MYH7B: variants seen among roughly 807,000 people sequenced by gnomAD.
MYH7B encodes the protein myosin heavy chain 7B, also known as myosin-7B.
Under a neutral mutation model 234.5 loss-of-function variants are expected in MYH7B, and 205 were observed. That is an observed-to-expected ratio of 0.87 (90% CI 0.78 to 0.98). The LOEUF is 0.98. Ranked by LOEUF, MYH7B falls within the 50% of genes least tolerant of loss-of-function variation. MYH7B has a pLI of 0.00. For missense variants in MYH7B, 2,652 were observed against 2,633.4 expected, an observed-to-expected ratio of 1.01 and a Z score of -0.15; for synonymous variants, 1,193 against 1,105.0, an observed-to-expected ratio of 1.08 and a Z score of -1.58.
chr20:34,982,540 G>T, exon 10 of MYH7B: 1 of 1,607,828 alleles, frequency 6.2e-7, no homozygotes, highest in Non-Finnish European at 8.5e-7. Context: ...TGGGAGACGG[G>T]CCGGGCAAGA....
chr20:34,984,703 A>C (rs2081988650), exon 11 of MYH7B: 1 of 1,596,302 alleles, frequency 6.3e-7, no homozygotes, highest in African/African-American at 1.4e-5. Context: ...AATTTCTGGC[A>C]ACAAAGACGG....
intron 4 of MYH7B, 52 bp downstream of exon 4, chr20:34,977,732 G>C: frequency 8.6e-7 from 1 of 1,157,160 alleles, no homozygotes; most frequent in Non-Finnish European, 1.3e-6. Flanking sequence ...GAGGGTGGGC[G>C]GGTGGGTGAG....
rs769108969 is a variant in MYH7B, at chr20:34,982,450, T to G, written c.528-9T>G. ...TGGGCATTGGTGACTCATGTTTGTGTCGTCCAAGCGGAGAGTCGGGGGCCG... is the reference window on the plus strand; with the variant it reads ...TGGGCATTGGTGACTCATGTTTGTGGCGTCCAAGCGGAGAGTCGGGGGCCG... On this transcript the variant is annotated splice_polypyrimidine_tract_variant and intron_variant, in intron 9 of 44. Coordinates refer to ENST00000262873, the Ensembl canonical transcript of MYH7B. The G allele has an allele frequency of 6.2e-7, 1 of 1,613,708 alleles. No individual in the cohort carries two copies. The highest frequency in any genetic ancestry group is 8.5e-7 in the Non-Finnish European group (1 of 1,179,832).
At chr20:34,964,214 C>G (rs2081723048) in intron 2 of MYH7B, among the ~76,000 whole-genome samples, 1 of 151,996 alleles carries the variant, frequency 6.6e-6, no homozygotes, top group Non-Finnish European at 1.5e-5. Context: ...ATTCTGCATC[C>G]TCACCGAGAC....
chr20:34,996,264 A>G (rs377361467), intron 28 of MYH7B, 82 bp from the exon 29 acceptor site: 1 of 1,466,836 alleles, frequency 6.8e-7, no homozygotes, highest in South Asian at 1.3e-5. Context: ...TGGAAGGGGC[A>G]CTTGCTCTGA....
chr20:34,978,720 C>A (rs907086729), intron 5 of MYH7B, among the ~76,000 whole-genome samples: 8 of 152,152 alleles, frequency 5.3e-5, no homozygotes, highest in African/African-American at 1.9e-4. Flanking sequence ...CTGCTGTTGC[C>A]GTCTTGAAAG....
At position 34,999,471 on chromosome 20, in the gene MYH7B, G is replaced by A. The variant is rs536149067; in HGVS notation, c.4540+66G>A. 393 of 1,524,554 alleles carry A rather than the reference G, an allele frequency of 2.6e-4. 1 individual carries two copies. Among genetic ancestry groups the A allele is most frequent in the Non-Finnish European group, 3.2e-4 (367 of 1,137,704 alleles). 94.4% of individuals were successfully genotyped at this position (1,524,554 alleles called of 1,614,324 possible). On this transcript the variant is annotated intron_variant, in intron 36 of 44. Coordinates refer to ENST00000262873, the Ensembl canonical transcript of MYH7B. ...GGTCGGAGCAACTTTGAGTTATGGGGGTGCCCTGGTGGGGCCACCCTGGAA... is the reference window on the plus strand; with the variant it reads ...GGTCGGAGCAACTTTGAGTTATGGGAGTGCCCTGGTGGGGCCACCCTGGAA...
intron 14 of MYH7B, 130 bp from the exon 15 acceptor site, chr20:34,986,756 T>C: frequency 2.9e-6 from 2 of 693,264 alleles, no homozygotes; most frequent in Non-Finnish European, 5.0e-6. Flanking sequence ...GACTGGGAGA[T>C]GAGGTCCTCT....
intron 10 of MYH7B, among the ~76,000 whole-genome samples, chr20:34,983,712 G>A (rs1472988481): frequency 1.3e-5 from 2 of 152,246 alleles, no homozygotes; most frequent in Non-Finnish European, 2.9e-5. Context: ...AAACGGGCTA[G>A]AGAGAGCCCT....
At chr20:34,997,132 C>T (rs1406273931) in exon 31 of MYH7B, 3 of 1,549,316 alleles carry the variant, frequency 1.9e-6, no homozygotes, top group Non-Finnish European at 2.6e-6. Context: ...AGACGAGCAG[C>T]TCTTGGGGGC....
At chr20:34,989,850 C>T in exon 20 of MYH7B, 1 of 1,614,216 alleles carries the variant, frequency 6.2e-7, no homozygotes, top group Non-Finnish European at 8.5e-7. Context: ...CACCCAATTT[C>T]CAGCAGCCTC....
intron 14 of MYH7B, 73 bp downstream of exon 14, chr20:34,986,271 C>T (rs745952924): frequency 1.1e-5 from 13 of 1,203,834 alleles, no homozygotes; most frequent in Non-Finnish European, 1.6e-5. Flanking sequence ...TGGCCCCCAT[C>T]AGGCCAGGCC....
chr20:34,998,516 C>T lies in MYH7B; in HGVS notation c.3880C>T (p.Leu1294=), dbSNP rs763379419. ...GCTCGCCTCTTTGCCTGCAGGGGAGCTGAGTCGCCTGCTAGAGGAGAAGGA... is the reference window on the plus strand; with the variant it reads ...GCTCGCCTCTTTGCCTGCAGGGGAGTTGAGTCGCCTGCTAGAGGAGAAGGA... The change falls in exon 34 of 45, where the codon CTG becomes TTG. Residue 1294 remains leucine, a synonymous_variant. Coordinates refer to ENST00000262873, the Ensembl canonical transcript of MYH7B. The T allele has an allele frequency of 1.9e-5, 30 of 1,613,522 alleles. 1 individual carries two copies. The South Asian group carries it at 3.3e-4, about 18-fold the overall frequency.
At chr20:34,956,774 G>T (rs1249500178) in intron 1 of MYH7B, among the ~76,000 whole-genome samples, 1 of 152,188 alleles carries the variant, frequency 6.6e-6, no homozygotes, top group African/African-American at 2.4e-5. Context: ...GCAAAGGCTG[G>T]CTGGGTGCAG....
exon 40 of MYH7B, chr20:35,000,790 A>G: frequency 6.2e-7 from 1 of 1,613,730 alleles, no homozygotes; most frequent in Non-Finnish European, 8.5e-7. Context: ...CTAAACCAGA[A>G]GAAGAAGCTG....
chr20:34,986,985 CCGA>C (rs748168901), exon 15 of MYH7B: 1 of 1,613,262 alleles, frequency 6.2e-7, no homozygotes, highest in Admixed American at 1.7e-5. Flanking sequence ...CTCATCGCCA[CCGA>C]CGTATGAGCT....
At chr20:34,988,041 C>A (rs751128956) in intron 18 of MYH7B, 51 bp from the exon 19 acceptor site, 1 of 1,588,310 alleles carries the variant, frequency 6.3e-7, no homozygotes, top group South Asian at 1.2e-5. Flanking sequence ...CCCGGGCCTC[C>A]CTTTCCCCAT....
At chr20:34,975,357 A>G in intron 2 of MYH7B, 43 bp from the exon 3 acceptor site, 1 of 566,882 alleles carries the variant, frequency 1.8e-6, no homozygotes, top group Non-Finnish European at 3.2e-6. Flanking sequence ...GGTGCATGCC[A>G]CCATGCCTGG....
intron 14 of MYH7B, among the ~76,000 whole-genome samples, 162 bp downstream of exon 14, chr20:34,986,360 G>A (rs151303852): frequency 1.4e-4 from 22 of 152,306 alleles, no homozygotes; most frequent in African/African-American, 5.1e-4. Context: ...TCCTGCTAGG[G>A]AACAGTCCTC....
Sources: allele counts gnomAD v4.1 joint callset (sites outside exome capture counted in the v4.1 genomes callset), GRCh38; gene constraint gnomAD v4.1.1; transcripts MANE v1.5; gene names NCBI Gene and HGNC (gene_info 2026-07-23, HGNC 2026-07-21).